The following COL4A1 variants were observed in gnomAD, a reference collection of about 807,000 sequenced individuals.
COL4A1 encodes the protein collagen alpha-1(IV) chain.
Under a neutral mutation model 216.6 loss-of-function variants are expected in COL4A1, and 40 were observed. The observed-to-expected ratio is 0.18, with a 90% CI of 0.14 to 0.24. The LOEUF is 0.24. Ranked by LOEUF, COL4A1 falls within the 10% of genes least tolerant of loss-of-function variation. COL4A1 has a pLI of 1.00. For missense variants in COL4A1, 1,628 were observed against 2,196.8 expected (o/e 0.74, Z 5.18); for synonymous variants, 839 against 810.7 (o/e 1.03, Z -0.59).
chr13:110,262,253 G>A (rs1882859548), intron 1 of COL4A1, among the ~76,000 whole-genome samples: 1 of 152,158 alleles, frequency 6.6e-6, no homozygotes, highest in Non-Finnish European at 1.5e-5. Flanking sequence ...CCAAGAGCTT[G>A]CCCTGCACCT....
At chr13:110,162,977 C>G (rs867062061) in intron 47 of COL4A1, among the ~76,000 whole-genome samples, 6 of 152,252 alleles carry the variant, frequency 3.9e-5, no homozygotes, top group African/African-American at 1.4e-4. Context: ...ACGTGCCAAA[C>G]TGTGCCCAGG....
intron 1 of COL4A1, among the ~76,000 whole-genome samples, chr13:110,251,228 T>C (rs143286661): frequency 3.3e-5 from 5 of 152,348 alleles, no homozygotes; most frequent in African/African-American, 1.2e-4. Flanking sequence ...GGCCTACTCC[T>C]TCCACACCCT....
intron 1 of COL4A1, among the ~76,000 whole-genome samples, chr13:110,273,376 T>C (rs1233295555): frequency 6.6e-6 from 1 of 152,230 alleles, no homozygotes; most frequent in Non-Finnish European, 1.5e-5. Flanking sequence ...GCTGAGTGCA[T>C]CTTAGACCAC....
intron 1 of COL4A1, chr13:110,305,926 A>G (rs904661733): frequency 1.3e-5 from 2 of 152,276 alleles, no homozygotes; most frequent in Admixed American, 6.5e-5. Flanking sequence ...CAGTAAAAGA[A>G]TAAGTATGGA....
chr13:110,160,137 T>C (rs960799294), intron 49 of COL4A1, among the ~76,000 whole-genome samples: 9 of 152,194 alleles, frequency 5.9e-5, no homozygotes, highest in Non-Finnish European at 1.2e-4. Flanking sequence ...AAATTAAAAA[T>C]AACTTTTAAA....
intron 1 of COL4A1, among the ~76,000 whole-genome samples, chr13:110,273,882 T>G (rs936356773): frequency 1.3e-5 from 2 of 152,252 alleles, no homozygotes; most frequent in Non-Finnish European, 2.9e-5. Context: ...TGAGACACAC[T>G]GAGTGCTTAC....
chr13:110,214,274 G>A (rs1014013270), intron 2 of COL4A1, among the ~76,000 whole-genome samples: 2 of 152,060 alleles, frequency 1.3e-5, no homozygotes, highest in African/African-American at 2.4e-5. Flanking sequence ...ATTTTTAGTA[G>A]AGGCAGGGTT....
Position 110,231,712 on chromosome 13 carries a change from T to C in COL4A1, c.144+10963A>G, listed in dbSNP as rs527821184. 2.6e-3 allele frequency among the ~76,000 whole-genome samples: 391 copies of C among 152,278 alleles called. 2 individuals are homozygous for C. The highest frequency in any genetic ancestry group is 4.5e-3 in the Non-Finnish European group (305 of 68,022). On this transcript the variant is annotated intron_variant, in intron 2 of 51. Transcript: ENST00000375820. ...AAGGAGGCACTGGGATGAGTGGACA[T>C]TGGTTCTCCAGCTCAAGGAATTTAC...
intron 2 of COL4A1, among the ~76,000 whole-genome samples, chr13:110,220,417 T>A (rs570940777): frequency 3.3e-4 from 51 of 152,310 alleles, no homozygotes; most frequent in African/African-American, 1.2e-3. Context: ...GTGTAATTTA[T>A]CAAATTCTGT....
intron 1 of COL4A1, among the ~76,000 whole-genome samples, chr13:110,269,476 A>T (rs1594105464): frequency 6.6e-6 from 1 of 152,228 alleles, no homozygotes; most frequent in Non-Finnish European, 1.5e-5. Context: ...ATTGGGAATT[A>T]TGAAAATAGT....
chr13:110,175,325 G>A lies in COL4A1; in HGVS notation c.3091C>T (p.Pro1031Ser), dbSNP rs1877833537. The A allele has an allele frequency of 6.2e-7, 1 of 1,614,058 alleles. No individual in the cohort carries two copies. The highest frequency in any genetic ancestry group is 1.3e-5 in the African/African-American group (1 of 74,912). ...AAGCCAGGTGAACCTTGTGGGCCAG[G>A]GATGCCAGGCACACCTTTCTCTCCA... ...TPGEKGVPGI[P>S]GPQGSPGLPG... Residue 1031 changes from proline to serine, a missense_variant, in exon 37 of 52, where the codon CCT (proline) becomes TCT (serine). By Grantham distance (74) the Pro-to-Ser change is moderately conservative. Transcript: ENST00000375820.
intron 1 of COL4A1, among the ~76,000 whole-genome samples, chr13:110,242,970 TACTC>T (rs1462471496): frequency 6.6e-6 from 1 of 152,238 alleles, no homozygotes; most frequent in East Asian, 1.9e-4. Flanking sequence ...TCCCAAGTGT[TACTC>T]AGCCCAAAAA....
intron 49 of COL4A1, 56 bp downstream of exon 49, chr13:110,161,136 G>T: frequency 6.4e-7 from 1 of 1,554,982 alleles, no homozygotes; most frequent in South Asian, 1.1e-5. Context: ...TGCTTGTCCA[G>T]ACTAGAGACT....
intron 1 of COL4A1, among the ~76,000 whole-genome samples, chr13:110,244,699 C>T (rs1372969836): frequency 1.3e-5 from 2 of 152,150 alleles, no homozygotes; most frequent in Admixed American, 6.5e-5. Flanking sequence ...TCACGTTTCT[C>T]GTTGTTTACT....
chr13:110,217,938 G>A (rs530025389), intron 2 of COL4A1, among the ~76,000 whole-genome samples: 12 of 152,278 alleles, frequency 7.9e-5, no homozygotes, highest in South Asian at 4.2e-4. Context: ...CTTAAAATGC[G>A]TGGATAGAAA....
At chr13:110,260,148 A>G (rs1021995010) in intron 1 of COL4A1, among the ~76,000 whole-genome samples, 11 of 152,120 alleles carry the variant, frequency 7.2e-5, no homozygotes, top group Non-Finnish European at 1.6e-4. Flanking sequence ...TTATAAAGAA[A>G]AAAGGTTTAA....
chr13:110,297,741 G>T (rs1249089774), intron 1 of COL4A1, among the ~76,000 whole-genome samples: 1 of 152,136 alleles, frequency 6.6e-6, no homozygotes, highest in Non-Finnish European at 1.5e-5. Flanking sequence ...TCAGGCACAT[G>T]TCCGAATGCA....
At chr13:110,276,416 G>T (rs1299098207) in intron 1 of COL4A1, among the ~76,000 whole-genome samples, 3 of 152,120 alleles carry the variant, frequency 2.0e-5, no homozygotes, top group Admixed American at 6.6e-5. Flanking sequence ...GGCCCCTGGG[G>T]AATGCGTCCT....
intron 2 of COL4A1, among the ~76,000 whole-genome samples, chr13:110,236,115 C>T (rs957990701): frequency 6.6e-6 from 1 of 152,088 alleles, no homozygotes; most frequent in African/African-American, 2.4e-5. Flanking sequence ...ACAATTGTTA[C>T]AATATAGCAC....
Sources: gnomAD v4.1 joint callset for allele counts (sites outside exome capture counted in the v4.1 genomes callset) on GRCh38, gnomAD v4.1.1 for gene constraint, MANE v1.5 for transcripts, NCBI Gene and HGNC (gene_info 2026-07-23, HGNC 2026-07-21) for gene names.